TRPC7: variants seen among roughly 807,000 people sequenced by gnomAD.
TRPC7 encodes short transient receptor potential channel 7.
In TRPC7, 42 loss-of-function variants were observed where a neutral mutation model predicts 90.1. That is an observed-to-expected ratio of 0.47 (90% CI 0.36 to 0.60). The LOEUF (loss-of-function observed/expected upper bound fraction) is 0.60. Ranked by LOEUF, TRPC7 falls within the 20% of genes least tolerant of loss-of-function variation. TRPC7 has a pLI of 0.00. For missense variants in TRPC7, 955 were observed against 1,112.3 expected (o/e 0.86, Z 2.01); for synonymous variants, 451 against 436.3 (o/e 1.03, Z -0.42).
At chr5:136,239,548 C>T (rs1360515014) in intron 7 of TRPC7, among the ~76,000 whole-genome samples, 1 of 152,196 alleles carries the variant, frequency 6.6e-6, no homozygotes, top group Admixed American at 6.5e-5. Context: ...TCAGGGTGAC[C>T]TCTCCCTCGG....
chr5:136,231,591 C>T (rs1195979081), intron 7 of TRPC7, 42 bp from the exon 8 acceptor site: 1 of 1,515,024 alleles, frequency 6.6e-7, no homozygotes. Context: ...TTTGCATCAG[C>T]TTGAACTTTT....
intron 2 of TRPC7, among the ~76,000 whole-genome samples, chr5:136,346,762 TC>T (rs1404897849): frequency 6.6e-6 from 1 of 152,184 alleles, no homozygotes; most frequent in Non-Finnish European, 1.5e-5. Context: ...CTGGAGGTCT[TC>T]CTGGATTCCT....
At chr5:136,225,384 C>T (rs374094110) in intron 9 of TRPC7, 30 bp from the exon 10 acceptor site, 3 of 1,602,012 alleles carry the variant, frequency 1.9e-6, no homozygotes, top group Non-Finnish European at 2.6e-6. Flanking sequence ...CCACACACAT[C>T]ACACAGAAAA....
rs369880085 is a variant in TRPC7, at chr5:136,290,219, C to G, written c.964-15382G>C. Among the ~76,000 whole-genome samples the G allele has an allele frequency of 3.3e-5, 5 of 152,174 alleles. No homozygotes were observed. In the East Asian group the frequency reaches 5.8e-4, roughly 18 times the overall value. On this transcript the variant is annotated intron_variant, in intron 3 of 11. Transcript: ENST00000513104. Reference sequence around the variant, plus strand: ...AAACAGAGCAGAAAAACTGGAAACTCTAAAAATCAGAGCGCCTCTCCTCAT... The same window carrying G: ...AAACAGAGCAGAAAAACTGGAAACTGTAAAAATCAGAGCGCCTCTCCTCAT...
intron 7 of TRPC7, among the ~76,000 whole-genome samples, chr5:136,241,429 T>C (rs1219786222): frequency 2.0e-5 from 3 of 152,256 alleles, no homozygotes; most frequent in Non-Finnish European, 4.4e-5. Context: ...GGGCCCACCA[T>C]GGGTTGTGTT....
At chr5:136,297,119 T>A (rs1758205965) in intron 3 of TRPC7, among the ~76,000 whole-genome samples, 1 of 152,224 alleles carries the variant, frequency 6.6e-6, no homozygotes, top group Admixed American at 6.5e-5. Flanking sequence ...CCCCCTTTCA[T>A]GGCCTGGCTC....
intron 5 of TRPC7, among the ~76,000 whole-genome samples, chr5:136,265,876 A>G (rs1757008636): frequency 6.6e-6 from 1 of 152,160 alleles, no homozygotes; most frequent in South Asian, 2.1e-4. Context: ...TAGAATCTGA[A>G]CTTGTTTTCT....
intron 3 of TRPC7, among the ~76,000 whole-genome samples, chr5:136,275,509 C>T (rs1451944894): frequency 6.6e-6 from 1 of 152,166 alleles, no homozygotes; most frequent in East Asian, 1.9e-4. Flanking sequence ...GGGCTTGAAT[C>T]CAGTTTTTTT....
At position 136,365,045 on chromosome 5, in the gene TRPC7, CTT is replaced by C. The variant is rs375088923; in HGVS notation, c.2+206_2+207del. Among the ~76,000 whole-genome samples, 631 of 145,978 alleles carry C rather than the reference CTT, an allele frequency of 4.3e-3. 4 individuals are homozygous for C. The highest frequency in any genetic ancestry group is 0.015 in the African/African-American group (605 of 39,174). The stretch of plus-strand genomic sequence containing the variant: ...ACATGAGTTGTCCGTTTCTAAATGG[CTT>C]TGAAAACTTAGACATTCTATAAAAG... On this transcript the variant is annotated intron_variant, in intron 1 of 11. Coordinates refer to ENST00000513104, the MANE Select transcript of TRPC7 (RefSeq NM_020389.3).
Position 136,251,890 on chromosome 5 carries a change from A to G in TRPC7, c.1346-8T>C. 2 of 1,609,772 alleles carry G rather than the reference A, an allele frequency of 1.2e-6. No individual in the cohort carries two copies. Among genetic ancestry groups the G allele is most frequent in the Non-Finnish European group, 1.7e-6 (2 of 1,176,280 alleles). ...ATTCGGACCAAATCATTCCTGTGGG[A>G]GAAGGAGAAGGCCAGGCTCACTTTT... On this transcript the variant is annotated splice_region_variant and splice_polypyrimidine_tract_variant and intron_variant, in intron 5 of 11. Coordinates refer to ENST00000513104, the MANE Select transcript of TRPC7 (RefSeq NM_020389.3).
At chr5:136,315,339 C>T (rs1480363335) in intron 3 of TRPC7, among the ~76,000 whole-genome samples, 1 of 152,120 alleles carries the variant, frequency 6.6e-6, no homozygotes, top group Non-Finnish European at 1.5e-5. Context: ...CTTCTGCTGT[C>T]CAGGCTCAAG....
At chr5:136,321,876 A>G (rs1759209522) in intron 2 of TRPC7, among the ~76,000 whole-genome samples, 1 of 152,218 alleles carries the variant, frequency 6.6e-6, no homozygotes, top group Admixed American at 6.5e-5. Flanking sequence ...TGCATGCATC[A>G]ATAGTCAATT....
At chr5:136,228,177 G>A (rs540492151) in intron 8 of TRPC7, among the ~76,000 whole-genome samples, 49 of 152,246 alleles carry the variant, frequency 3.2e-4, no homozygotes, top group Admixed American at 6.5e-4. Context: ...CCCAGAGCTG[G>A]AGGAGGGTCT....
In TRPC7 at chr5:136,247,443, C is replaced by T. The variant is rs1756375687; in HGVS notation, c.1844+28G>A. On this transcript the variant is annotated intron_variant, in intron 7 of 11. Coordinates refer to ENST00000513104, the MANE Select transcript of TRPC7 (RefSeq NM_020389.3). The surrounding 1 kb of genome is among the most constrained non-coding windows in gnomAD (Gnocchi z 4.2). ...GGATTCCCAGGAAGCCCAGGGAGAA[C>T]CTCAGGGGAAAGCTCTCAGATACTC... The T allele has an allele frequency of 1.3e-6, 2 of 1,584,008 alleles. No homozygotes were observed. The highest frequency in any genetic ancestry group is 8.6e-7 in the Non-Finnish European group (1 of 1,163,172).
At chr5:136,315,532 A>C in intron 3 of TRPC7, 65 bp downstream of exon 3, 1 of 1,561,774 alleles carries the variant, frequency 6.4e-7, no homozygotes, top group Non-Finnish European at 8.7e-7. Context: ...ATGAGCAAAA[A>C]GCAAGGCCAG....
chr5:136,320,384 T>C (rs1490005377), intron 2 of TRPC7, among the ~76,000 whole-genome samples: 2 of 152,162 alleles, frequency 1.3e-5, no homozygotes, highest in Non-Finnish European at 2.9e-5. Context: ...TTGTCCTGTG[T>C]AGTTGATTCC....
At chr5:136,326,677 T>G (rs574237833) in intron 2 of TRPC7, among the ~76,000 whole-genome samples, 5 of 152,310 alleles carry the variant, frequency 3.3e-5, no homozygotes, top group East Asian at 1.9e-4. Context: ...TTAATGTGGT[T>G]GTTTTTTTTC....
In TRPC7 at chr5:136,216,403, G is replaced by A. The variant is rs764228610; in HGVS notation, c.2344-128C>T. 42 of 727,430 alleles carry A rather than the reference G, an allele frequency of 5.8e-5. 2 individuals are homozygous for A. Among genetic ancestry groups the A allele is most frequent in the South Asian group, 1.0e-4 (6 of 59,006 alleles). 45.1% of individuals were successfully genotyped at this position (727,430 alleles called of 1,614,324 possible). A position where few individuals can be genotyped will look rare whatever the true frequency, so the allele number is the denominator to read the frequency against. ...CCATGGCGACCCTCCCATGCCTGGCGCCTCACTCTGGAGGGGTGCCCTGCA... is the reference window on the plus strand; with the variant it reads ...CCATGGCGACCCTCCCATGCCTGGCACCTCACTCTGGAGGGGTGCCCTGCA... On this transcript the variant is annotated intron_variant, in intron 10 of 11. Transcript: ENST00000513104.
intron 2 of TRPC7, among the ~76,000 whole-genome samples, chr5:136,318,152 C>T (rs997707231): frequency 2.0e-5 from 3 of 152,170 alleles, no homozygotes; most frequent in African/African-American, 7.2e-5. Context: ...CATTGATGAA[C>T]ATCTCTTGGG....
Sources: gnomAD v4.1 joint callset for allele counts (sites outside exome capture counted in the v4.1 genomes callset) on GRCh38, gnomAD v4.1.1 for gene constraint, Gnocchi (gnomAD v3.1) non-coding constraint, MANE v1.5 for transcripts, NCBI Gene and HGNC (gene_info 2026-07-23, HGNC 2026-07-21) for gene names.